Variants in ABLIM3 observed in about 807,000 individuals in gnomAD.
ABLIM3 encodes actin binding LIM protein family member 3, also known as actin-binding LIM protein 3.
In ABLIM3, 61 loss-of-function variants were observed where a neutral mutation model predicts 109.5. The observed-to-expected ratio is 0.56, with a 90% CI of 0.45 to 0.69. The LOEUF (loss-of-function observed/expected upper bound fraction) is 0.69, where lower values mean the gene tolerates loss of function less well. ABLIM3 is among the 30% of genes least tolerant of loss of function. The pLI is 0.00. For missense variants in ABLIM3, 796 were observed against 889.5 expected, an observed-to-expected ratio of 0.89 and a Z score of 1.34; for synonymous variants, 300 against 324.8, an observed-to-expected ratio of 0.92 and a Z score of 0.82.
At position 149,259,478 on chromosome 5, in the gene ABLIM3, G is replaced by A; in HGVS notation, c.*1074G>A. The A allele has an allele frequency of 6.5e-7, 1 of 1,535,956 alleles. No individual in the cohort carries two copies. The highest frequency in any genetic ancestry group is 8.7e-7 in the Non-Finnish European group (1 of 1,146,876). On this transcript the variant is annotated 3_prime_UTR_variant, in exon 24 of 24. Coordinates refer to ENST00000309868, the MANE Select transcript of ABLIM3 (RefSeq NM_014945.5). ...GGTCTATGCCTCTGGTCTGTGGGCTGGCAGGGCAACCATACCATACCCCCG... is the reference window on the plus strand; with the variant it reads ...GGTCTATGCCTCTGGTCTGTGGGCTAGCAGGGCAACCATACCATACCCCCG...
At chr5:149,241,380 C>T (rs760161821) in intron 14 of ABLIM3, among the ~76,000 whole-genome samples, 4 of 152,146 alleles carry the variant, frequency 2.6e-5, no homozygotes, top group Non-Finnish European at 5.9e-5. Flanking sequence ...TAAAACAGGC[C>T]ATCCTGAGAG....
chr5:149,244,647 G>A lies in ABLIM3; in HGVS notation c.1352-234G>A, dbSNP rs13436809. ...AGTTCTGGTGCTCACATGCTATGTG[G>A]TCTTAAGCAAGCCCCTTCCCCTCTC... On this transcript the variant is annotated intron_variant, in intron 15 of 23. Transcript: ENST00000309868. The A allele has an allele frequency of 6.0e-3, 3,291 of 549,722 alleles. 86 individuals are homozygous for A. Among genetic ancestry groups the A allele is most frequent in the African/African-American group, 0.055 (2,928 of 52,872 alleles). 34.1% of individuals were successfully genotyped at this position (549,722 alleles called of 1,614,324 possible).
chr5:149,193,337 A>G (rs1273111498), intron 3 of ABLIM3, among the ~76,000 whole-genome samples: 2 of 152,062 alleles, frequency 1.3e-5, no homozygotes, highest in African/African-American at 4.8e-5. Context: ...TGTATTCACC[A>G]TTAACAATCA....
chr5:149,242,685 G>A (rs1364741746), intron 15 of ABLIM3, 147 bp downstream of exon 15: 4 of 826,354 alleles, frequency 4.8e-6, no homozygotes, highest in East Asian at 4.9e-5. Context: ...ATCACCCAGG[G>A]TGACATTAGG....
intron 7 of ABLIM3, chr5:149,216,522 C>CT (rs35846248): frequency 0.4 from 60,912 of 151,338 alleles, 12,342 homozygotes; most frequent in East Asian, 0.58. Context: ...CTGAAAAGAT[C>CT]TTTTTTTTTT....
intron 8 of ABLIM3, among the ~76,000 whole-genome samples, chr5:149,230,110 A>C (rs997272750): frequency 6.6e-6 from 1 of 152,176 alleles, no homozygotes; most frequent in Non-Finnish European, 1.5e-5. Context: ...TTATTCATTC[A>C]ACAAATATTT....
Position 149,240,757 on chromosome 5 carries a change from A to G in ABLIM3, c.1286A>G (p.Lys429Arg), listed in dbSNP as rs1223467689. ...ACTCCAACCTCTTACCAGGCTCCCA[A>G]GCACTTTCACATCCCAGGTAGGCAC... ...SSTPTSYQAP[K>R]HFHIPAGDSN... The change falls in exon 14 of 24, where the codon AAG becomes AGG. Residue 429 changes from lysine to arginine, a missense_variant. Coordinates refer to ENST00000309868, the MANE Select transcript of ABLIM3 (RefSeq NM_014945.5). 6.2e-7 allele frequency: 1 copy of G among 1,613,990 alleles called. No individual in the cohort carries two copies. The highest frequency in any genetic ancestry group is 1.3e-5 in the African/African-American group (1 of 74,914).
chr5:149,147,086 T>G (rs1169659216), intron 2 of ABLIM3, among the ~76,000 whole-genome samples: 1 of 151,868 alleles, frequency 6.6e-6, no homozygotes, highest in Non-Finnish European at 1.5e-5. Flanking sequence ...TCTCTCTCTC[T>G]CTCGCTCGCT....
intron 3 of ABLIM3, among the ~76,000 whole-genome samples, chr5:149,196,097 T>C (rs1030365556): frequency 1.3e-5 from 2 of 151,902 alleles, no homozygotes; most frequent in Non-Finnish European, 2.9e-5. Context: ...AGACCAGAGG[T>C]TGGGTGGTCT....
chr5:149,141,871 T>C, intron 1 of ABLIM3, 138 bp from the exon 2 acceptor site: 1 of 621,396 alleles, frequency 1.6e-6, no homozygotes, highest in Non-Finnish European at 2.9e-6. Flanking sequence ...CGCCTCCTTC[T>C]CCTTGCTCTC....
chr5:149,216,906 A>G (rs761470675), intron 7 of ABLIM3, 53 bp from the exon 8 acceptor site: 15 of 1,507,522 alleles, frequency 1.0e-5, no homozygotes, highest in African/African-American at 1.4e-5. Flanking sequence ...AATCTGCCCC[A>G]CTAGACAGCA....
intron 15 of ABLIM3, among the ~76,000 whole-genome samples, chr5:149,243,062 G>C (rs545051758): frequency 2.0e-5 from 3 of 152,320 alleles, no homozygotes; most frequent in South Asian, 4.1e-4. Context: ...CAGAGGAGAT[G>C]TAGATGAGTA....
intron 10 of ABLIM3, among the ~76,000 whole-genome samples, chr5:149,236,126 A>C (rs559918248): frequency 2.0e-5 from 3 of 152,294 alleles, no homozygotes; most frequent in African/African-American, 7.2e-5. Context: ...AGAGAGCAAA[A>C]GAGCCTGTGA....
chr5:149,198,870 C>A lies in ABLIM3; in HGVS notation c.335+468C>A, dbSNP rs1007182724. 6.6e-6 allele frequency among the ~76,000 whole-genome samples: 1 copy of A among 152,214 alleles called. No homozygotes were observed. Among genetic ancestry groups the A allele is most frequent in the Non-Finnish European group, 1.5e-5 (1 of 68,038 alleles). On this transcript the variant is annotated intron_variant, in intron 4 of 23. Transcript: ENST00000309868. The surrounding 1 kb of genome is among the most constrained non-coding windows in gnomAD (Gnocchi z 4.2). Reference sequence around the variant, plus strand: ...GGCAAGTGACCCCCACCTCTGTAAGCCTCAGTTTCTCCACAGGTAAAATGG... The same window carrying A: ...GGCAAGTGACCCCCACCTCTGTAAGACTCAGTTTCTCCACAGGTAAAATGG...
At chr5:149,239,090 C>T (rs542641973) in intron 11 of ABLIM3, among the ~76,000 whole-genome samples, 158 bp from the exon 12 acceptor site, 1 of 152,246 alleles carries the variant, frequency 6.6e-6, no homozygotes, top group South Asian at 2.1e-4. Flanking sequence ...GTCTGACCCT[C>T]TGGAATTCCC....
At chr5:149,156,122 C>T (rs1055307132) in intron 2 of ABLIM3, among the ~76,000 whole-genome samples, 1 of 152,242 alleles carries the variant, frequency 6.6e-6, no homozygotes, top group Non-Finnish European at 1.5e-5. Flanking sequence ...CAACTATGCC[C>T]ATGGGTGGGC....
Position 149,259,788 on chromosome 5 carries a change from T to C in ABLIM3, c.*1384T>C. 2 of 604,528 alleles carry C rather than the reference T, an allele frequency of 3.3e-6. No individual in the cohort carries two copies. The highest frequency in any genetic ancestry group is 2.0e-5 in the South Asian group (1 of 48,988). The allele number at this position is 604,528 out of a possible 1,614,324, so 37.4% of individuals were successfully genotyped here. A position where few individuals can be genotyped will look rare whatever the true frequency, so the allele number is the denominator to read the frequency against. On this transcript the variant is annotated 3_prime_UTR_variant, in exon 24 of 24. Coordinates refer to ENST00000309868, the MANE Select transcript of ABLIM3 (RefSeq NM_014945.5). The stretch of plus-strand genomic sequence containing the variant: ...CCATTTTGAGATCATGGAGGAAGGA[T>C]GAAGAAGTGAAAATGACAATAATGA...
chr5:149,200,541 C>A, intron 5 of ABLIM3, 113 bp downstream of exon 5: 1 of 1,046,872 alleles, frequency 9.6e-7, no homozygotes, highest in Non-Finnish European at 1.4e-6. Context: ...GAGAGGTTCC[C>A]AACCTGGAGG....
chr5:149,251,867 C>A (rs986838105), intron 21 of ABLIM3, among the ~76,000 whole-genome samples: 6 of 152,342 alleles, frequency 3.9e-5, no homozygotes, highest in South Asian at 2.1e-4. Context: ...CACATCAGAA[C>A]CTTGAAGGAT....
Sources: gnomAD v4.1 joint callset for allele counts (sites outside exome capture counted in the v4.1 genomes callset) on GRCh38, gnomAD v4.1.1 for gene constraint, Gnocchi (gnomAD v3.1) non-coding constraint, MANE v1.5 for transcripts, NCBI Gene and HGNC (gene_info 2026-07-23, HGNC 2026-07-21) for gene names.